Variants in OXR1 observed in about 807,000 individuals in gnomAD.
OXR1 encodes oxidation resistance protein 1.
Under a neutral mutation model 104.6 loss-of-function variants are expected in OXR1, and 41 were observed. That is an observed-to-expected ratio of 0.39 (90% confidence interval 0.31 to 0.51). The LOEUF is 0.51. Among genes scored for constraint, OXR1 ranks in the 20% least tolerant of loss-of-function variants. The pLI, the probability that OXR1 is intolerant of heterozygous loss-of-function variation, is 0.77. For missense variants in OXR1, 955 were observed against 1,031.9 expected (o/e 0.93, Z 1.02); for synonymous variants, 348 against 348.4 (o/e 1.00, Z 0.01).
At chr8:106,536,198 C>T (rs547070163) in intron 3 of OXR1, among the ~76,000 whole-genome samples, 55 of 147,460 alleles carry the variant, frequency 3.7e-4, no homozygotes, top group Admixed American at 1.0e-3. Flanking sequence ...CCAGCCAGGG[C>T]GACAGAGCAA....
intron 6 of OXR1, 115 bp downstream of exon 6, chr8:106,684,474 T>A: frequency 1.6e-6 from 1 of 628,688 alleles, no homozygotes; most frequent in Admixed American, 2.6e-5. Flanking sequence ...ATTTCCTTTT[T>A]ATTTTGTTGC....
At chr8:106,389,544 T>C (rs1817513371) in intron 2 of OXR1, among the ~76,000 whole-genome samples, 1 of 152,216 alleles carries the variant, frequency 6.6e-6, no homozygotes, top group Non-Finnish European at 1.5e-5. Context: ...GAATAATCCA[T>C]ATGCTTGGAA....
intron 2 of OXR1, among the ~76,000 whole-genome samples, chr8:106,476,675 G>C (rs867985180): frequency 6.6e-6 from 1 of 151,856 alleles, no homozygotes. Context: ...TCTTAATGGC[G>C]TCTGGGAACT....
intron 1 of OXR1, among the ~76,000 whole-genome samples, chr8:106,290,804 T>C (rs145800200): frequency 1.3e-5 from 2 of 152,216 alleles, no homozygotes; most frequent in African/African-American, 4.8e-5. Flanking sequence ...ACGATGCTGG[T>C]GAGGCTGCAG....
intron 3 of OXR1, among the ~76,000 whole-genome samples, chr8:106,557,515 A>G (rs1029354880): frequency 6.6e-6 from 1 of 151,548 alleles, no homozygotes; most frequent in African/African-American, 2.4e-5. Context: ...AAATTAGCAG[A>G]AAGCATGGTA....
intron 2 of OXR1, among the ~76,000 whole-genome samples, chr8:106,379,870 A>G (rs1158591374): frequency 6.6e-6 from 1 of 152,042 alleles, no homozygotes; most frequent in African/African-American, 2.4e-5. Context: ...TGTTTAAAGT[A>G]CTTGAAAAGG....
intron 2 of OXR1, among the ~76,000 whole-genome samples, chr8:106,409,790 A>G (rs902846943): frequency 1.3e-5 from 2 of 152,218 alleles, no homozygotes; most frequent in African/African-American, 4.8e-5. Context: ...GTACATAAAA[A>G]TAAGTACATA....
intron 2 of OXR1, among the ~76,000 whole-genome samples, chr8:106,370,258 G>C (rs1281263279): frequency 6.6e-6 from 1 of 152,192 alleles, no homozygotes; most frequent in Non-Finnish European, 1.5e-5. Context: ...TGTATCCTGA[G>C]ACTGCGCTGA....
intron 1 of OXR1, among the ~76,000 whole-genome samples, chr8:106,311,623 A>G (rs567883801): frequency 1.5e-4 from 23 of 152,162 alleles, no homozygotes; most frequent in Non-Finnish European, 2.9e-4. Context: ...AGGTGTAGTC[A>G]TCTGGTTGCT....
At chr8:106,664,333 C>T (rs1044490384) in intron 3 of OXR1, among the ~76,000 whole-genome samples, 3 of 152,208 alleles carry the variant, frequency 2.0e-5, no homozygotes, top group South Asian at 2.1e-4. Flanking sequence ...AATACCTCTC[C>T]TAGAATTTGT....
intron 3 of OXR1, among the ~76,000 whole-genome samples, chr8:106,551,874 G>A (rs1011446253): frequency 4.8e-4 from 71 of 147,298 alleles, no homozygotes; most frequent in Middle Eastern, 7.1e-3. Flanking sequence ...GTGTGTGTGT[G>A]TGTGTGTGTG....
intron 3 of OXR1, among the ~76,000 whole-genome samples, chr8:106,638,366 ATACT>A (rs1316907523): frequency 6.6e-6 from 1 of 152,070 alleles, no homozygotes; most frequent in Non-Finnish European, 1.5e-5. Context: ...CCTCCTTTTG[ATACT>A]TACGCATTTT....
intron 2 of OXR1, among the ~76,000 whole-genome samples, chr8:106,500,284 C>T (rs907933253): frequency 2.6e-5 from 4 of 152,216 alleles, no homozygotes; most frequent in Non-Finnish European, 5.9e-5. Context: ...GGCAGTCCGG[C>T]GCCAGGCCCG....
intron 3 of OXR1, among the ~76,000 whole-genome samples, chr8:106,659,341 T>G (rs899404677): frequency 2.0e-5 from 3 of 152,242 alleles, no homozygotes; most frequent in Admixed American, 6.5e-5. Context: ...TTTGAAGAAA[T>G]ATTAAAGTCT....
intron 11 of OXR1, among the ~76,000 whole-genome samples, chr8:106,719,896 C>G (rs556145673): frequency 1.3e-5 from 2 of 152,132 alleles, no homozygotes; most frequent in Non-Finnish European, 2.9e-5. Context: ...AGCTCCGCCT[C>G]CTGGATTCAC....
At chr8:106,493,015 TACCTGG>T (rs1487373793) in intron 2 of OXR1, among the ~76,000 whole-genome samples, 4 of 152,216 alleles carry the variant, frequency 2.6e-5, no homozygotes, top group African/African-American at 9.6e-5. Context: ...TGTACAGAAG[TACCTGG>T]AGTAGACCTT....
intron 3 of OXR1, among the ~76,000 whole-genome samples, chr8:106,582,792 A>C (rs986419316): frequency 2.1e-4 from 32 of 152,182 alleles, no homozygotes; most frequent in African/African-American, 6.8e-4. Context: ...TTTATAAAAT[A>C]ATAAGACTTT....
At position 106,710,790 on chromosome 8, in the gene OXR1, G is replaced by A; in HGVS notation, c.1793G>A (p.Arg598Lys). Residue 598 changes from arginine to lysine, a missense_variant and splice_region_variant, in exon 10 of 17, where the codon AGG (arginine) becomes AAG (lysine). Arg to Lys is a conservative substitution (Grantham distance 26, BLOSUM62 2). This residue lies in a region of OXR1 where 849 missense variants were observed against 852.9 expected (regional missense o/e 1.00). Coordinates refer to ENST00000517566, the MANE Select transcript of OXR1 (RefSeq NM_001198533.2). ...HEYWFAVPQE[R>K]TDHLYAFFIQ... is the part of the protein sequence containing the mutation. ...TATTGGTTTGCTGTGCCACAAGAAA[G>A]GTAAAAAACCCATACGACACCTTGA... 2 of 1,496,672 alleles carry A rather than the reference G, an allele frequency of 1.3e-6. No individual in the cohort carries two copies. The highest frequency in any genetic ancestry group is 1.4e-5 in the African/African-American group (1 of 70,204). The allele number at this position is 1,496,672 out of a possible 1,614,324, so 92.7% of individuals were successfully genotyped here.
At chr8:106,325,372 C>T (rs1278940997) in intron 1 of OXR1, among the ~76,000 whole-genome samples, 1 of 152,124 alleles carries the variant, frequency 6.6e-6, no homozygotes, top group Non-Finnish European at 1.5e-5. Context: ...GGAAGACTTG[C>T]TAGTCATTGG....
Sources: gnomAD v4.1 joint callset for allele counts (sites outside exome capture counted in the v4.1 genomes callset) on GRCh38, gnomAD v4.1.1 for gene constraint, gnomAD v4.1.1 regional missense constraint, MANE v1.5 for transcripts, NCBI Gene and HGNC (gene_info 2026-07-23, HGNC 2026-07-21) for gene names.